The following ELP6 variants were observed in gnomAD, a reference collection of about 807,000 sequenced individuals.
ELP6 encodes elongator complex protein 6.
A neutral mutation model predicts 28.1 loss-of-function variants in ELP6; 23 were observed. The observed-to-expected ratio is 0.82, with a 90% CI of 0.59 to 1.16. The LOEUF is 1.16. ELP6 is among the 50% of genes most tolerant of loss of function. ELP6 has a pLI of 0.00. For synonymous variants in ELP6, 132 were observed against 135.8 expected (o/e 0.97, Z 0.19); for missense variants, 313 against 334.6 (o/e 0.94, Z 0.50).
intron 4 of ELP6, chr3:47,502,471 T>C (rs1343432818): frequency 4.1e-6 from 4 of 982,950 alleles, no homozygotes; most frequent in African/African-American, 3.5e-5. Flanking sequence ...ACCCAAGAGC[T>C]TAAGGAATCT....
At position 47,495,965 on chromosome 3, in the gene ELP6, G is replaced by T; in HGVS notation, c.*104C>A. The T allele has an allele frequency of 6.3e-7, 1 of 1,587,962 alleles. No individual in the cohort carries two copies. ...TGGTCACAGTGGAGTCGCCGGTCCAGCCTGAAATATTACTACAGAGGAGAA... is the reference window on the plus strand; with the variant it reads ...TGGTCACAGTGGAGTCGCCGGTCCATCCTGAAATATTACTACAGAGGAGAA... On this transcript the variant is annotated 3_prime_UTR_variant, in exon 7 of 7. Coordinates refer to ENST00000296149, the MANE Select transcript of ELP6 (RefSeq NM_001031703.3).
chr3:47,512,273 G>C (rs761022787), intron 1 of ELP6: 2 of 168,040 alleles, frequency 1.2e-5, no homozygotes, highest in Non-Finnish European at 2.4e-5. Context: ...GGTGGCTCAC[G>C]CCTGTAATCC....
chr3:47,504,163 T>G, intron 4 of ELP6, 167 bp downstream of exon 4: 2 of 827,444 alleles, frequency 2.4e-6, no homozygotes, highest in Non-Finnish European at 3.7e-6. Context: ...CTCAGCCCCA[T>G]GATAAGAGCC....
intron 1 of ELP6, chr3:47,511,912 G>A: frequency 1.0e-6 from 1 of 985,028 alleles, no homozygotes; most frequent in African/African-American, 1.7e-5. Context: ...TTCCACAAAT[G>A]CCTTAACTTC....
intron 1 of ELP6, chr3:47,512,959 C>T (rs2029906259): frequency 2.0e-6 from 2 of 986,090 alleles, no homozygotes; most frequent in Non-Finnish European, 1.2e-6. Flanking sequence ...CGAATATAAC[C>T]CAACCCCACT....
At chr3:47,496,807 T>C in intron 6 of ELP6, 1 of 985,386 alleles carries the variant, frequency 1.0e-6, no homozygotes, top group Non-Finnish European at 1.2e-6. Flanking sequence ...TTGTTCTTTC[T>C]TCTAAGCATG....
chr3:47,496,293 C>T lies in ELP6; in HGVS notation c.673-96G>A. 4 of 1,478,832 alleles carry T rather than the reference C, an allele frequency of 2.7e-6. 1 individual carries two copies. The Middle Eastern group carries it at 7.3e-4, about 271-fold the overall frequency. The allele number at this position is 1,478,832 out of a possible 1,614,324, so 91.6% of individuals were successfully genotyped here. ...CCTTCTCTGTGCCCTTCAGCTGAGG[C>T]CTCTATGAGATGATAGTCAGATGTG... On this transcript the variant is annotated intron_variant, in intron 6 of 6. Coordinates refer to ENST00000296149, the MANE Select transcript of ELP6 (RefSeq NM_001031703.3).
chr3:47,506,603 G>C (rs200409526), intron 3 of ELP6, among the ~76,000 whole-genome samples: 366 of 144,328 alleles, frequency 2.5e-3, no homozygotes, highest in African/African-American at 5.3e-3. Flanking sequence ...GCTCTGTTCC[G>C]CCCGGCTCAC....
chr3:47,499,282 C>T (rs1360463965), intron 5 of ELP6, among the ~76,000 whole-genome samples: 2 of 151,952 alleles, frequency 1.3e-5, no homozygotes, highest in Non-Finnish European at 2.9e-5. Flanking sequence ...TTTGGAAGGC[C>T]GAGGTGGGTG....
intron 5 of ELP6, chr3:47,499,982 C>A: frequency 7.5e-7 from 1 of 1,341,214 alleles, no homozygotes. Context: ...GGGGAAGCTG[C>A]TGCTTCAGAC....
At chr3:47,508,401 G>A (rs942205716) in intron 3 of ELP6, among the ~76,000 whole-genome samples, 2 of 152,116 alleles carry the variant, frequency 1.3e-5, no homozygotes, top group Non-Finnish European at 2.9e-5. Context: ...GAGCCACCAT[G>A]CCTGGATCCT....
intron 3 of ELP6, among the ~76,000 whole-genome samples, chr3:47,509,423 G>A (rs1184749466): frequency 2.0e-5 from 3 of 152,216 alleles, no homozygotes; most frequent in Non-Finnish European, 4.4e-5. Flanking sequence ...AGGTCAAGAA[G>A]TTCATCGGCC....
chr3:47,509,276 TAAAG>T (rs1249410854), intron 3 of ELP6, among the ~76,000 whole-genome samples: 1 of 152,166 alleles, frequency 6.6e-6, no homozygotes, highest in Non-Finnish European at 1.5e-5. Flanking sequence ...ACTGGCATTT[TAAAG>T]ATCACTGCTG....
Position 47,504,377 on chromosome 3 carries a change from G to T in ELP6, c.276C>A (p.Asp92Glu), listed in dbSNP as rs754166970. The T allele has an allele frequency of 1.2e-6, 2 of 1,610,120 alleles. No homozygotes were observed. Among genetic ancestry groups the T allele is most frequent in the African/African-American group, 1.3e-5 (1 of 74,754 alleles). ...GCTCCTTTTGAGCCTGGAAGACGAC[G>T]TCCACTGCAGACTTGAGTCCCTCAA... ...VFLEGLKSAVDVVFQAQKEPH... is the reference protein window; with the variant it reads ...VFLEGLKSAVEVVFQAQKEPH... The change falls in exon 4 of 7, where the codon GAC (aspartate) becomes GAA (glutamate). Residue 92 changes from aspartate to glutamate, a missense_variant. Transcript: ENST00000296149.
chr3:47,503,840 G>A (rs999873990), intron 4 of ELP6, among the ~76,000 whole-genome samples: 1 of 152,012 alleles, frequency 6.6e-6, no homozygotes, highest in Non-Finnish European at 1.5e-5. Context: ...GCAGTGAGCC[G>A]AGATCACGCT....
intron 3 of ELP6, chr3:47,504,821 G>A (rs1164406784): frequency 1.1e-5 from 2 of 181,606 alleles, no homozygotes; most frequent in East Asian, 3.8e-4. Context: ...TTAGCCAAGT[G>A]TGGTAGTTTG....
At chr3:47,504,147 T>A in intron 4 of ELP6, 183 bp downstream of exon 4, 1 of 689,668 alleles carries the variant, frequency 1.4e-6, no homozygotes, top group Non-Finnish European at 2.3e-6. Flanking sequence ...GGGACAAATG[T>A]CCACCCTCAG....
rs776110688 is a variant in ELP6, at chr3:47,511,394, T to C, written c.55-168A>G. 828 of 1,415,462 alleles carry C rather than the reference T, an allele frequency of 5.8e-4. 1 individual carries two copies. Among genetic ancestry groups the C allele is most frequent in the Non-Finnish European group, 7.1e-4 (772 of 1,088,686 alleles). The allele number at this position is 1,415,462 out of a possible 1,614,324, so 87.7% of individuals were successfully genotyped here. A position where few individuals can be genotyped will look rare whatever the true frequency, so the allele number is the denominator to read the frequency against. Reference sequence around the variant, plus strand: ...TGAAATGATGAAAATAAGTCAAAATTATGGAAAATCCATGACTAAAGTTAT... The same window carrying C: ...TGAAATGATGAAAATAAGTCAAAATCATGGAAAATCCATGACTAAAGTTAT... On this transcript the variant is annotated intron_variant, in intron 1 of 6. Coordinates refer to ENST00000296149, the MANE Select transcript of ELP6 (RefSeq NM_001031703.3).
In ELP6 at chr3:47,510,226, G is replaced by A. The variant is rs1708975304; in HGVS notation, c.162C>T (p.Leu54=). ...KANCKVCFVA[L]IQSFSHYSIV... The stretch of plus-strand genomic sequence containing the variant: ...TACTGTAGTGGCTGAAGGACTGGAT[G>A]AGTGCCACAAAGCAGACTTTACAAT... Residue 54 remains leucine, a synonymous_variant, in exon 3 of 7, where the codon CTC becomes CTT. Transcript: ENST00000296149. 1.2e-6 allele frequency: 2 copies of A among 1,613,998 alleles called. No individual in the cohort carries two copies. Among genetic ancestry groups the A allele is most frequent in the East Asian group, 2.2e-5 (1 of 44,890 alleles).
Sources: allele counts gnomAD v4.1 joint callset (sites outside exome capture counted in the v4.1 genomes callset), GRCh38; gene constraint gnomAD v4.1.1; transcripts MANE v1.5; gene names NCBI Gene and HGNC (gene_info 2026-07-23, HGNC 2026-07-21).